The following GALNT13 variants were observed in gnomAD, a reference collection of about 807,000 sequenced individuals.
The protein encoded by GALNT13 is polypeptide N-acetylgalactosaminyltransferase 13.
GALNT13 carries 28 observed loss-of-function variants against 64.2 expected under a neutral mutation model. The ratio of observed to expected loss-of-function variants is 0.44; its 90% CI spans 0.32 to 0.60. The LOEUF is 0.60. GALNT13 is among the 20% of genes least tolerant of loss of function. The pLI is 0.05. For synonymous variants in GALNT13, 214 were observed against 224.6 expected (o/e 0.95, Z 0.42); for missense variants, 577 against 669.8 (o/e 0.86, Z 1.53).
At chr2:154,387,795 T>C in intron 9 of GALNT13, among the ~76,000 whole-genome samples, 1 of 152,172 alleles carries the variant, frequency 6.6e-6, no homozygotes, top group East Asian at 1.9e-4. Flanking sequence ...TTGCATAGAA[T>C]ACAACACTCT....
At chr2:154,024,375 C>T (rs1452591875) in intron 3 of GALNT13, among the ~76,000 whole-genome samples, 1 of 152,192 alleles carries the variant, frequency 6.6e-6, no homozygotes, top group Non-Finnish European at 1.5e-5. Flanking sequence ...TCCCATATTT[C>T]TTGGAGGCTT....
At chr2:154,327,826 CA>C (rs1164115100) in intron 9 of GALNT13, among the ~76,000 whole-genome samples, 1 of 152,012 alleles carries the variant, frequency 6.6e-6, no homozygotes, top group Non-Finnish European at 1.5e-5. Context: ...ATTAGAATAC[CA>C]GAGAGCTGTA....
chr2:154,230,519 A>G (rs1004263588), intron 4 of GALNT13, among the ~76,000 whole-genome samples: 5 of 152,250 alleles, frequency 3.3e-5, no homozygotes, highest in Non-Finnish European at 5.9e-5. Flanking sequence ...CACAATAGAA[A>G]GAATATAAAA....
rs951824144 is a variant in GALNT13, at chr2:154,389,497, C to T, written c.1157-6494C>T. On this transcript the variant is annotated intron_variant, in intron 9 of 12. Transcript: ENST00000392825. Reference sequence around the variant, plus strand: ...TTTAAGTTATGCTGCAATATGTATTCTTGTGCATGAAATTGTAAGCTTTGG... The same window carrying T: ...TTTAAGTTATGCTGCAATATGTATTTTTGTGCATGAAATTGTAAGCTTTGG... Among the ~76,000 whole-genome samples the T allele has an allele frequency of 5.3e-5, 8 of 152,142 alleles. No individual in the cohort carries two copies. In the East Asian group the frequency reaches 1.5e-3, roughly 29 times the overall value.
At chr2:154,122,956 G>A (rs1282667048) in intron 3 of GALNT13, among the ~76,000 whole-genome samples, 1 of 151,750 alleles carries the variant, frequency 6.6e-6, no homozygotes, top group East Asian at 1.9e-4. Flanking sequence ...TAAATGAAAA[G>A]GTACCTCACC....
intron 2 of GALNT13, chr2:153,926,230 A>C (rs1358573412): frequency 6.6e-6 from 1 of 152,096 alleles, no homozygotes; most frequent in Non-Finnish European, 1.5e-5. Flanking sequence ...TCAATATATT[A>C]AAATTTATTT....
chr2:153,504,005 C>G, the GALNT13 span, among the ~76,000 whole-genome samples: 255 of 152,072 alleles, frequency 1.7e-3, no homozygotes, highest in African/African-American at 5.8e-3. Context: ...TTGATTCTAC[C>G]CATCCACAAG....
chr2:153,441,685 A>G, the GALNT13 span, among the ~76,000 whole-genome samples: 6 of 152,164 alleles, frequency 3.9e-5, no homozygotes, highest in African/African-American at 1.4e-4. Flanking sequence ...TAGTATTCCT[A>G]GGTATTTTAT....
intron 3 of GALNT13, among the ~76,000 whole-genome samples, chr2:153,999,098 C>T (rs377022831): frequency 2.0e-5 from 3 of 152,194 alleles, no homozygotes; most frequent in East Asian, 3.9e-4. Flanking sequence ...CCAAGACAAT[C>T]CTAAGCAAAA....
the GALNT13 span, among the ~76,000 whole-genome samples, chr2:153,777,261 A>G: frequency 1.3e-5 from 2 of 152,180 alleles, no homozygotes; most frequent in East Asian, 3.9e-4. Context: ...ATGAATAAGA[A>G]GTCACCTCTA....
the GALNT13 span, among the ~76,000 whole-genome samples, chr2:153,076,134 G>A: frequency 6.6e-6 from 1 of 152,026 alleles, no homozygotes; most frequent in Non-Finnish European, 1.5e-5. Flanking sequence ...TGAAAATAAG[G>A]TGCTCGGTGA....
the GALNT13 span, among the ~76,000 whole-genome samples, chr2:153,464,683 C>G: frequency 1.3e-5 from 2 of 151,952 alleles, no homozygotes; most frequent in Non-Finnish European, 2.9e-5. Context: ...TAAGGTCACA[C>G]CATGTTGTAA....
chr2:153,069,119 TG>T, the GALNT13 span, among the ~76,000 whole-genome samples: 1 of 152,210 alleles, frequency 6.6e-6, no homozygotes, highest in East Asian at 1.9e-4. Flanking sequence ...ATTTGGGTGG[TG>T]CTACCTCTTT....
the GALNT13 span, among the ~76,000 whole-genome samples, chr2:153,695,452 A>G: frequency 6.6e-6 from 1 of 152,118 alleles, no homozygotes; most frequent in Non-Finnish European, 1.5e-5. Context: ...GCAACCACAT[A>G]TGGGCAGGTC....
At chr2:154,218,638 T>C (rs1020454237) in intron 4 of GALNT13, among the ~76,000 whole-genome samples, 3 of 152,240 alleles carry the variant, frequency 2.0e-5, no homozygotes, top group Non-Finnish European at 4.4e-5. Context: ...CCTTTCAGTC[T>C]TTCTCTTACT....
the GALNT13 span, among the ~76,000 whole-genome samples, chr2:153,392,379 C>CG: frequency 6.6e-6 from 1 of 151,512 alleles, no homozygotes; most frequent in Admixed American, 6.6e-5. Flanking sequence ...GCCTTAAGAC[C>CG]CGGGTCATTA....
the GALNT13 span, among the ~76,000 whole-genome samples, chr2:153,582,534 C>T: frequency 6.6e-6 from 1 of 152,074 alleles, no homozygotes; most frequent in Non-Finnish European, 1.5e-5. Context: ...ATATATATCT[C>T]TCCCATTTTA....
At chr2:153,456,506 TTGAAG>T in the GALNT13 span, among the ~76,000 whole-genome samples, 1 of 152,218 alleles carries the variant, frequency 6.6e-6, no homozygotes, top group Non-Finnish European at 1.5e-5. Flanking sequence ...TGATGTTTAC[TTGAAG>T]TGGCTTCCTG....
the GALNT13 span, among the ~76,000 whole-genome samples, chr2:153,080,670 C>G: frequency 6.6e-6 from 1 of 152,022 alleles, no homozygotes; most frequent in African/African-American, 2.4e-5. Context: ...TATAGTCTTA[C>G]AATTTTTTGT....
Sources: allele counts gnomAD v4.1 joint callset (sites outside exome capture counted in the v4.1 genomes callset), GRCh38; gene constraint gnomAD v4.1.1; transcripts MANE v1.5; gene names NCBI Gene and HGNC (gene_info 2026-07-23, HGNC 2026-07-21).